MCM9: variants seen among roughly 807,000 people sequenced by gnomAD.
MCM9 encodes the protein minichromosome maintenance 9 homologous recombination repair factor, also known as DNA helicase MCM9.
Under a neutral mutation model 72.8 loss-of-function variants are expected in MCM9, and 55 were observed. That is an observed-to-expected ratio of 0.76 (90% confidence interval 0.61 to 0.95). The LOEUF (loss-of-function observed/expected upper bound fraction) is 0.95, where lower values mean the gene tolerates loss of function less well. Among genes scored for constraint, MCM9 ranks in the 40% least tolerant of loss-of-function variants. The pLI, the probability that MCM9 is intolerant of heterozygous loss-of-function variation, is 0.00. For missense variants in MCM9, 1,279 were observed against 1,377.0 expected (o/e 0.93, Z 1.13); for synonymous variants, 480 against 503.4 (o/e 0.95, Z 0.62).
intron 13 of MCM9, among the ~76,000 whole-genome samples, chr6:118,825,744 C>G (rs1774126325): frequency 2.0e-5 from 3 of 152,110 alleles, no homozygotes. Flanking sequence ...CATGTTTCTT[C>G]CCATGTATCC....
intron 8 of MCM9, among the ~76,000 whole-genome samples, chr6:118,858,364 CT>C (rs1452321561): frequency 6.6e-6 from 1 of 151,582 alleles, no homozygotes; most frequent in Non-Finnish European, 1.5e-5. Context: ...ACTTCTTCAA[CT>C]TGATAAAGGG....
intron 5 of MCM9, chr6:118,920,007 C>G (rs770276210): frequency 2.2e-4 from 33 of 152,216 alleles, no homozygotes; most frequent in Non-Finnish European, 4.3e-4. Flanking sequence ...TAGATTGCTT[C>G]TATCCATCCT....
intron 8 of MCM9, among the ~76,000 whole-genome samples, chr6:118,874,400 A>C (rs185916151): frequency 4.9e-4 from 74 of 152,306 alleles, no homozygotes; most frequent in African/African-American, 1.8e-3. Flanking sequence ...CAACACAAAA[A>C]ACTCTCAGAA....
intron 3 of MCM9, among the ~76,000 whole-genome samples, chr6:118,929,698 C>A (rs1782221514): frequency 6.6e-6 from 1 of 152,180 alleles, no homozygotes; most frequent in East Asian, 1.9e-4. Context: ...ATTGGCCAGA[C>A]ACGATGGCTC....
At chr6:118,828,994 T>C (rs1411107251) in intron 10 of MCM9, 54 bp downstream of exon 10, 1 of 1,494,594 alleles carries the variant, frequency 6.7e-7, no homozygotes, top group Admixed American at 2.0e-5. Flanking sequence ...GGAATTTCTT[T>C]TAGTTACAGC....
rs959625912 is a variant in MCM9 at position 118,815,055 on chromosome 6, C to T, written c.3201G>A (p.Ser1067=). 3.0e-5 allele frequency: 46 copies of T among 1,550,320 alleles called. No individual in the cohort carries two copies. In the African/African-American group the frequency reaches 3.7e-4, roughly 12 times the overall value. The stretch of plus-strand genomic sequence containing the variant: ...GAGGAGGGGATTTTGATTTGGATTC[C>T]GATGGGGGAGTAAAGCAGAAGTTTG... ...RLANFCFTPP[S]ESKSKSPPPE... is the part of the protein sequence containing the mutation. Residue 1067 remains serine (S), a synonymous_variant, in exon 14 of 14, where the codon TCG becomes TCA. Coordinates refer to ENST00000619706, the MANE Select transcript of MCM9 (RefSeq NM_017696.3).
intron 8 of MCM9, among the ~76,000 whole-genome samples, chr6:118,857,388 A>C (rs1450909309): frequency 6.6e-6 from 1 of 152,202 alleles, no homozygotes; most frequent in Non-Finnish European, 1.5e-5. Context: ...TGGAGTCAAC[A>C]AGACTTGATT....
intron 8 of MCM9, among the ~76,000 whole-genome samples, chr6:118,902,158 G>C (rs552176753): frequency 2.6e-5 from 4 of 152,246 alleles, no homozygotes; most frequent in African/African-American, 9.6e-5. Context: ...AAAAGACATG[G>C]GTAACAGAAT....
chr6:118,900,088 T>G (rs1388106299), intron 8 of MCM9, among the ~76,000 whole-genome samples: 1 of 152,186 alleles, frequency 6.6e-6, no homozygotes, highest in Non-Finnish European at 1.5e-5. Flanking sequence ...CCTGCCTATC[T>G]CCACTGTGTA....
intron 9 of MCM9, among the ~76,000 whole-genome samples, chr6:118,854,247 T>C (rs1776411872): frequency 6.6e-6 from 1 of 152,232 alleles, no homozygotes; most frequent in Non-Finnish European, 1.5e-5. Context: ...ATACTTCTAG[T>C]ACAATATTGA....
chr6:118,913,637 T>C (rs1780718112), intron 6 of MCM9, among the ~76,000 whole-genome samples: 1 of 152,206 alleles, frequency 6.6e-6, no homozygotes, highest in Non-Finnish European at 1.5e-5. Context: ...TCTCACTCTG[T>C]CACCTAGGCT....
intron 8 of MCM9, among the ~76,000 whole-genome samples, chr6:118,891,561 C>A (rs933425107): frequency 1.3e-5 from 2 of 152,066 alleles, no homozygotes; most frequent in Non-Finnish European, 2.9e-5. Context: ...CCTCTGTGTG[C>A]GTGTGACCCT....
In MCM9 at chr6:118,829,103, A is replaced by G; in HGVS notation, c.1473T>C (p.Asp491=). ...SRFDLILVLL[D]TKNEDWDRII... is the part of the protein sequence containing the mutation. ...TACGATCCCAGTCTTCATTCTTGGT[A>G]TCAAGCAAAACCAGGATCAGGTCAA... is the stretch of plus-strand genomic sequence containing the variant. Residue 491 remains aspartate, a synonymous_variant, in exon 10 of 14, where the codon GAT becomes GAC. Coordinates refer to ENST00000619706, the MANE Select transcript of MCM9 (RefSeq NM_017696.3). 1 of 1,550,678 alleles carries G rather than the reference A, an allele frequency of 6.4e-7. No individual in the cohort carries two copies. Among genetic ancestry groups the G allele is most frequent in the African/African-American group, 1.4e-5 (1 of 73,174 alleles).
intron 13 of MCM9, among the ~76,000 whole-genome samples, chr6:118,819,266 T>C (rs1028086894): frequency 6.6e-6 from 1 of 152,220 alleles, no homozygotes; most frequent in African/African-American, 2.4e-5. Context: ...TTGTCATAAA[T>C]AGCTCTTATT....
chr6:118,827,758 G>A (rs1426520659), intron 11 of MCM9, among the ~76,000 whole-genome samples, 169 bp downstream of exon 11: 1 of 152,094 alleles, frequency 6.6e-6, no homozygotes, highest in African/African-American at 2.4e-5. Context: ...CTCATAATCT[G>A]TCCTCAGAGG....
chr6:118,880,484 T>C (rs920839120), intron 8 of MCM9, among the ~76,000 whole-genome samples: 3 of 152,190 alleles, frequency 2.0e-5, no homozygotes, highest in Admixed American at 6.5e-5. Flanking sequence ...ATCTGTCTCT[T>C]AGCAATACAG....
At chr6:118,925,100 A>G (rs1781783276) in intron 3 of MCM9, among the ~76,000 whole-genome samples, 1 of 151,468 alleles carries the variant, frequency 6.6e-6, no homozygotes, top group African/African-American at 2.4e-5. Context: ...AGAGAAAAAG[A>G]GGGGGAAAAG....
intron 9 of MCM9, among the ~76,000 whole-genome samples, chr6:118,833,930 G>C (rs1207806396): frequency 6.6e-6 from 1 of 152,074 alleles, no homozygotes; most frequent in Non-Finnish European, 1.5e-5. Context: ...AGAATGTGCA[G>C]GTTTGTTACA....
Position 118,845,894 on chromosome 6 carries a change from TAATTTTAAATATGCTTCCCTG to T in MCM9, c.1325+10456_1325+10476del, listed in dbSNP as rs1339014091. Among the ~76,000 whole-genome samples, 22 of 152,002 alleles carry T rather than the reference TAATTTTAAATATGCTTCCCTG, an allele frequency of 1.4e-4. No individual in the cohort carries two copies. In the East Asian group the frequency reaches 4.2e-3, roughly 29 times the overall value. On this transcript the variant is annotated intron_variant, in intron 9 of 13. Coordinates refer to ENST00000619706, the MANE Select transcript of MCM9 (RefSeq NM_017696.3). ...AACCATTAATAAGTCTTCCTTGTAC[TAATTTTAAATATGCTTCCCTG>T]AACCTTCCAGCCATTGATTCTAAAG...
Sources: gnomAD v4.1 joint callset for allele counts (sites outside exome capture counted in the v4.1 genomes callset) on GRCh38, gnomAD v4.1.1 for gene constraint, MANE v1.5 for transcripts, NCBI Gene and HGNC (gene_info 2026-07-23, HGNC 2026-07-21) for gene names.